SCAPER: variants seen among roughly 807,000 people sequenced by gnomAD.
The protein encoded by SCAPER is S phase cyclin A-associated protein in the endoplasmic reticulum.
Under a neutral mutation model 182.2 loss-of-function variants are expected in SCAPER, and 98 were observed. The observed-to-expected ratio is 0.54, with a 90% CI of 0.46 to 0.64. SCAPER has a LOEUF of 0.64. Ranked by LOEUF, SCAPER falls within the 30% of genes least tolerant of loss-of-function variation. SCAPER has a pLI of 0.00. For synonymous variants in SCAPER, 605 were observed against 564.6 expected (o/e 1.07, Z -1.01); for missense variants, 1,432 against 1,690.0 (o/e 0.85, Z 2.68).
rs754555609 is a variant in SCAPER at position 76,381,605 on chromosome 15, T to C, written c.3478A>G (p.Ile1160Val). ...CFAVTGRSYS[I>V]FDNNRQDPTG... Reference sequence around the variant, plus strand: ...GGATCCTGGCGATTATTGTCAAATATGCTGTATGACCTGACAAAGAAACAT... The same window carrying C: ...GGATCCTGGCGATTATTGTCAAATACGCTGTATGACCTGACAAAGAAACAT... Residue 1160 changes from isoleucine (I) to valine (V), a missense_variant, in exon 28 of 32, where the codon ATA (isoleucine) becomes GTA (valine). By Grantham distance (29) the Ile-to-Val change is conservative. Around this residue, in one of 5 missense-constraint regions of SCAPER, gnomAD observed 718 missense variants for 799.7 expected, o/e 0.90. Coordinates refer to ENST00000563290, the MANE Select transcript of SCAPER (RefSeq NM_020843.4). The C allele has an allele frequency of 1.9e-6, 3 of 1,589,678 alleles. No homozygotes were observed. The highest frequency in any genetic ancestry group is 1.1e-5 in the South Asian group (1 of 87,518).
chr15:76,434,001 A>C (rs967990699), intron 26 of SCAPER, 77 bp downstream of exon 26: 1 of 1,222,362 alleles, frequency 8.2e-7, no homozygotes, highest in Admixed American at 2.4e-5. Context: ...CTGCCATCAC[A>C]TGGGCCTTGA....
chr15:76,401,705 G>A (rs1048702163), intron 27 of SCAPER, among the ~76,000 whole-genome samples: 2 of 152,120 alleles, frequency 1.3e-5, no homozygotes, highest in Non-Finnish European at 2.9e-5. Flanking sequence ...TAAACATGAC[G>A]CTAACTCTTG....
intron 23 of SCAPER, among the ~76,000 whole-genome samples, chr15:76,529,339 C>T (rs959133513): frequency 1.3e-5 from 2 of 152,198 alleles, no homozygotes; most frequent in African/African-American, 4.8e-5. Flanking sequence ...AGCCACCATT[C>T]CCCGCCAGAA....
chr15:76,360,175 G>A (rs2041299091), intron 29 of SCAPER, among the ~76,000 whole-genome samples: 1 of 152,100 alleles, frequency 6.6e-6, no homozygotes, highest in Admixed American at 6.5e-5. Context: ...GGGCAAAACT[G>A]GTGTTTCACT....
intron 24 of SCAPER, among the ~76,000 whole-genome samples, chr15:76,496,224 A>C (rs2040521392): frequency 1.3e-5 from 1 of 74,570 alleles, no homozygotes; most frequent in African/African-American, 2.6e-5. Context: ...TCTCATTAAC[A>C]ACCTTTTTTT....
At chr15:76,837,407 G>A (rs1261543932) in intron 5 of SCAPER, among the ~76,000 whole-genome samples, 10 of 152,182 alleles carry the variant, frequency 6.6e-5, no homozygotes, top group African/African-American at 2.4e-4. Context: ...TTATGATCAT[G>A]GTGGAAGGGG....
chr15:76,514,791 C>G (rs1383792756), intron 23 of SCAPER, among the ~76,000 whole-genome samples: 1 of 152,100 alleles, frequency 6.6e-6, no homozygotes, highest in Admixed American at 6.5e-5. Flanking sequence ...TCGTTTTTCC[C>G]AATATGGAAA....
chr15:76,785,631 T>C (rs942616226), intron 8 of SCAPER, among the ~76,000 whole-genome samples: 2 of 152,210 alleles, frequency 1.3e-5, no homozygotes, highest in Admixed American at 1.3e-4. Flanking sequence ...TCAATCTAAA[T>C]GTCAATCAAT....
At chr15:76,386,481 G>A (rs955418867) in intron 27 of SCAPER, among the ~76,000 whole-genome samples, 2 of 152,138 alleles carry the variant, frequency 1.3e-5, no homozygotes, top group Non-Finnish European at 2.9e-5. Context: ...AGTGCAGGAA[G>A]ATATAAACGA....
At chr15:76,812,106 G>A (rs974457052) in intron 5 of SCAPER, among the ~76,000 whole-genome samples, 19 of 152,124 alleles carry the variant, frequency 1.2e-4, no homozygotes, top group Non-Finnish European at 2.1e-4. Flanking sequence ...TTGAGGTCAG[G>A]AGTTCGAGAC....
chr15:76,569,822 A>G (rs2047310072), intron 23 of SCAPER, among the ~76,000 whole-genome samples: 1 of 151,882 alleles, frequency 6.6e-6, no homozygotes, highest in African/African-American at 2.4e-5. Flanking sequence ...TAATTTTTGT[A>G]ATTTTTATTA....
At chr15:76,753,719 G>T in intron 15 of SCAPER, 89 bp downstream of exon 15, 2 of 1,392,168 alleles carry the variant, frequency 1.4e-6, no homozygotes, top group Non-Finnish European at 1.9e-6. Context: ...AATAAACATT[G>T]GATAAACATT....
rs578256422 is a variant in SCAPER at position 76,371,414 on chromosome 15, G to A, written c.3855+4748C>T. Among the ~76,000 whole-genome samples the A allele has an allele frequency of 2.6e-5, 4 of 151,428 alleles. 1 individual carries two copies. Among genetic ancestry groups the A allele is most frequent in the African/African-American group, 9.7e-5 (4 of 41,282 alleles). Reference sequence around the variant, plus strand: ...GGCTCACCGCAACCTCCGCCTCCCAGGTTCATGCAGTCCTCCTGCCTCAGC... The same window carrying A: ...GGCTCACCGCAACCTCCGCCTCCCAAGTTCATGCAGTCCTCCTGCCTCAGC... On this transcript the variant is annotated intron_variant, in intron 29 of 31. Transcript: ENST00000563290.
At chr15:76,802,201 T>TAAGGATATAA (rs1368841608) in intron 6 of SCAPER, among the ~76,000 whole-genome samples, 1 of 152,148 alleles carries the variant, frequency 6.6e-6, no homozygotes, top group Non-Finnish European at 1.5e-5. Context: ...ATATAAACTG[T>TAAGGATATAA]ACAAGGTCAA....
At chr15:76,848,335 T>G (rs7165911) in intron 4 of SCAPER, among the ~76,000 whole-genome samples, 75,429 of 142,946 alleles carry the variant, frequency 0.53, 20,139 homozygotes, top group Middle Eastern at 0.7. Flanking sequence ...TTTTTTTTTT[T>G]TTTTTTTTTT....
intron 29 of SCAPER, among the ~76,000 whole-genome samples, chr15:76,361,159 T>C (rs2041386746): frequency 6.6e-6 from 1 of 152,052 alleles, no homozygotes; most frequent in Admixed American, 6.5e-5. Flanking sequence ...TCCATAAAAT[T>C]CCAAGGAGTG....
chr15:76,676,774 T>C (rs180822091), intron 20 of SCAPER, among the ~76,000 whole-genome samples: 3 of 151,670 alleles, frequency 2.0e-5, no homozygotes, highest in Non-Finnish European at 4.4e-5. Context: ...TATATAAATG[T>C]GTGAGTTTTA....
chr15:76,747,259 T>C (rs953427938), intron 15 of SCAPER, among the ~76,000 whole-genome samples: 4 of 152,178 alleles, frequency 2.6e-5, no homozygotes, highest in Non-Finnish European at 5.9e-5. Context: ...ATCCCAGCAC[T>C]TTGGGAGACC....
chr15:76,566,962 G>T (rs1174395524), intron 23 of SCAPER, among the ~76,000 whole-genome samples: 5 of 152,028 alleles, frequency 3.3e-5, no homozygotes, highest in African/African-American at 9.7e-5. Flanking sequence ...TAGAAGCACT[G>T]AAGAAGCCAC....
Sources: gnomAD v4.1 joint callset for allele counts (sites outside exome capture counted in the v4.1 genomes callset) on GRCh38, gnomAD v4.1.1 for gene constraint, gnomAD v4.1.1 regional missense constraint, MANE v1.5 for transcripts, NCBI Gene and HGNC (gene_info 2026-07-23, HGNC 2026-07-21) for gene names.